Variants in PKN2 observed in about 807,000 individuals in gnomAD.
The protein encoded by PKN2 is protein kinase N2.
Under a neutral mutation model 119.1 loss-of-function variants are expected in PKN2, and 38 were observed. The observed-to-expected ratio is 0.32, with a 90% CI of 0.25 to 0.42. The LOEUF is 0.42. Among genes scored for constraint, PKN2 ranks in the 10% least tolerant of loss-of-function variants. PKN2 has a pLI of 1.00. For synonymous variants in PKN2, 390 were observed against 384.9 expected (o/e 1.01, Z -0.15); for missense variants, 850 against 1,165.1 (o/e 0.73, Z 3.94).
intron 6 of PKN2, among the ~76,000 whole-genome samples, chr1:88,779,003 A>T (rs6667374): frequency 6.6e-6 from 1 of 152,108 alleles, no homozygotes; most frequent in Non-Finnish European, 1.5e-5. Flanking sequence ...GATTACAGGC[A>T]TGAGCCGCCG....
chr1:88,820,180 CTATATATATATATATATATATATA>C lies in PKN2; in HGVS notation c.2280-1730_2280-1707del, dbSNP rs397980752. Reference sequence around the variant, plus strand: ...AAATCAAACAAATCTTTTCAGAAACCTATATATATATATATATATATATATATATATATATATATATATATATAT... The same window carrying C: ...AAATCAAACAAATCTTTTCAGAAACCTATATATATATATATATATATATAT... On this transcript the variant is annotated intron_variant, in intron 16 of 21. Transcript: ENST00000370521. Among the ~76,000 whole-genome samples the C allele has an allele frequency of 6.4e-3, 452 of 70,702 alleles. 17 individuals are homozygous for C. Among genetic ancestry groups the C allele is most frequent in the African/African-American group, 0.02 (333 of 16,610 alleles). 46.4% of individuals were successfully genotyped at this position (70,702 alleles called of 152,430 possible).
chr1:88,737,749 C>T (rs1668413475), intron 1 of PKN2, among the ~76,000 whole-genome samples: 1 of 152,176 alleles, frequency 6.6e-6, no homozygotes, highest in South Asian at 2.1e-4. Flanking sequence ...TTCACCACGG[C>T]AGACCCAGTG....
chr1:88,771,954 A>G, intron 6 of PKN2, 75 bp downstream of exon 6: 1 of 923,936 alleles, frequency 1.1e-6, no homozygotes, highest in Admixed American at 2.3e-5. Context: ...ATTGAAAGAA[A>G]AACCTGTGCA....
At chr1:88,754,545 G>A (rs1570581220) in intron 2 of PKN2, among the ~76,000 whole-genome samples, 2 of 152,296 alleles carry the variant, frequency 1.3e-5, no homozygotes, top group South Asian at 4.1e-4. Flanking sequence ...TAGTATTGAA[G>A]AAAACAATCG....
intron 8 of PKN2, among the ~76,000 whole-genome samples, chr1:88,797,278 G>A (rs1671112432): frequency 6.6e-6 from 1 of 151,322 alleles, no homozygotes; most frequent in African/African-American, 2.4e-5. Context: ...AGGTTGCGGT[G>A]AGCTGAGGTT....
intron 3 of PKN2, among the ~76,000 whole-genome samples, chr1:88,766,056 C>T (rs1669657122): frequency 6.6e-6 from 1 of 152,094 alleles, no homozygotes; most frequent in Non-Finnish European, 1.5e-5. Context: ...TAGATGATCC[C>T]CCAGCCTTGG....
intron 8 of PKN2, among the ~76,000 whole-genome samples, chr1:88,801,712 C>T (rs1671317853): frequency 6.6e-6 from 1 of 152,224 alleles, no homozygotes; most frequent in South Asian, 2.1e-4. Flanking sequence ...GAAGAAAAGT[C>T]AGCACGGAGA....
In PKN2 at chr1:88,771,856, T is replaced by A; in HGVS notation, c.962T>A (p.Leu321Gln). 5.0e-6 allele frequency: 8 copies of A among 1,613,098 alleles called. No individual in the cohort carries two copies. Among genetic ancestry groups the A allele is most frequent in the Non-Finnish European group, 6.8e-6 (8 of 1,179,118 alleles). The change falls in exon 6 of 22, where the codon CTA (leucine) becomes CAA (glutamine). Residue 321 changes from leucine to glutamine, a missense_variant. Physicochemically the swap from Leu to Gln is moderately radical, Grantham distance 113. Coordinates refer to ENST00000370521, the MANE Select transcript of PKN2 (RefSeq NM_006256.4). ...TCTACGCAAAATCAATATAGTACAC[T>A]ATCCAAACCAGCAGCACTAACAGGT... ...MISTQNQYST[L>Q]SKPAALTGTL...
At chr1:88,714,367 A>G (rs1667362147) in intron 1 of PKN2, among the ~76,000 whole-genome samples, 2 of 152,234 alleles carry the variant, frequency 1.3e-5, no homozygotes, top group Non-Finnish European at 2.9e-5. Context: ...ATAAATTACC[A>G]TGGGCAGTGT....
intron 1 of PKN2, among the ~76,000 whole-genome samples, chr1:88,722,294 C>T (rs974835346): frequency 2.0e-5 from 3 of 152,038 alleles, no homozygotes; most frequent in Non-Finnish European, 2.9e-5. Context: ...ATGTATGCGA[C>T]CTAATGGAAA....
intron 18 of PKN2, among the ~76,000 whole-genome samples, chr1:88,828,223 G>A (rs544771660): frequency 6.6e-6 from 1 of 152,232 alleles, no homozygotes; most frequent in South Asian, 2.1e-4. Flanking sequence ...CCCTTGTAAT[G>A]ACAAGAAGAA....
intron 9 of PKN2, 128 bp downstream of exon 9, chr1:88,804,662 C>A: frequency 1.1e-6 from 1 of 906,722 alleles, no homozygotes; most frequent in Non-Finnish European, 1.7e-6. Flanking sequence ...TGAGCTATGC[C>A]ACTGAATAGG....
chr1:88,824,245 A>C, intron 17 of PKN2, 65 bp from the exon 18 acceptor site: 3 of 779,240 alleles, frequency 3.8e-6, no homozygotes, highest in Non-Finnish European at 6.6e-6. Flanking sequence ...TTATTTTTTT[A>C]ACTGTATAAC....
intron 1 of PKN2, among the ~76,000 whole-genome samples, chr1:88,711,560 T>C (rs1423002853): frequency 1.3e-5 from 2 of 152,194 alleles, no homozygotes; most frequent in Non-Finnish European, 2.9e-5. Flanking sequence ...ATGAAAAAAT[T>C]GACTTCATAT....
intron 2 of PKN2, among the ~76,000 whole-genome samples, chr1:88,742,966 G>A (rs12091387): frequency 0.027 from 4,052 of 152,184 alleles, 96 homozygotes; most frequent in South Asian, 0.069. Context: ...CAAGGCAGGC[G>A]GATCACTTGA....
chr1:88,828,435 G>T (rs1161789773), intron 18 of PKN2, 46 bp from the exon 19 acceptor site: 3 of 1,504,818 alleles, frequency 2.0e-6, no homozygotes, highest in Admixed American at 3.7e-5. Flanking sequence ...TTTTATGCTA[G>T]ATTTGTTTTC....
In PKN2 at chr1:88,805,688, T is replaced by G; in HGVS notation, c.1676+17T>G. The stretch of plus-strand genomic sequence containing the variant: ...TCCAGCTAGGTATGTGTCTGAGATT[T>G]TAAGCATCTCTTATACAAAGTTATT... On this transcript the variant is annotated intron_variant, in intron 11 of 21. Transcript: ENST00000370521. 6.2e-7 allele frequency: 1 copy of G among 1,612,998 alleles called. No individual in the cohort carries two copies.
chr1:88,772,908 A>G (rs1669952997), intron 6 of PKN2, among the ~76,000 whole-genome samples: 1 of 152,070 alleles, frequency 6.6e-6, no homozygotes, highest in Non-Finnish European at 1.5e-5. Flanking sequence ...TAATATATCT[A>G]ACTATGTCTG....
chr1:88,724,890 T>G (rs1195553573), intron 1 of PKN2, among the ~76,000 whole-genome samples: 13 of 145,882 alleles, frequency 8.9e-5, no homozygotes, highest in Non-Finnish European at 1.8e-4. Context: ...TGGTTTTTTT[T>G]TTTTTTTTTT....
Sources: allele counts gnomAD v4.1 joint callset (sites outside exome capture counted in the v4.1 genomes callset), GRCh38; gene constraint gnomAD v4.1.1; transcripts MANE v1.5; gene names NCBI Gene and HGNC (gene_info 2026-07-23, HGNC 2026-07-21).